SRSF11: variants seen among roughly 807,000 people sequenced by gnomAD.
SRSF11 encodes serine and arginine rich splicing factor 11.
A neutral mutation model predicts 56.0 loss-of-function variants in SRSF11; 9 were observed. The observed-to-expected ratio is 0.16, with a 90% CI of 0.10 to 0.28. SRSF11 has a LOEUF of 0.28. Among genes scored for constraint, SRSF11 ranks in the 10% least tolerant of loss-of-function variants. The pLI is 1.00. For synonymous variants in SRSF11, 222 were observed against 215.3 expected (o/e 1.03, Z -0.27); for missense variants, 421 against 600.7 (o/e 0.70, Z 3.13).
chr1:70,238,827 A>G (rs1674690447), intron 6 of SRSF11, among the ~76,000 whole-genome samples: 1 of 152,200 alleles, frequency 6.6e-6, no homozygotes, highest in Non-Finnish European at 1.5e-5. Context: ...AGACTGCTTT[A>G]CAGAAAACAC....
chr1:70,228,747 T>G, intron 2 of SRSF11, 192 bp downstream of exon 2: 1 of 1,266,790 alleles, frequency 7.9e-7, no homozygotes, highest in Non-Finnish European at 9.9e-7. Flanking sequence ...TCTGTTATTA[T>G]AAGGTATTTA....
rs372794079 is a variant in SRSF11, at chr1:70,221,403, G to A, written c.-234G>A. The stretch of plus-strand genomic sequence containing the variant: ...CTAGTGTCGTGGTTGGAGGCGAGGT[G>A]GGGCGGCCGTTTGTTTTCTCGTGGT... On this transcript the variant is annotated 5_prime_UTR_variant, in exon 1 of 12. Transcript: ENST00000370949. 1.1e-5 allele frequency: 6 copies of A among 537,226 alleles called. No individual in the cohort carries two copies. The highest frequency in any genetic ancestry group is 1.6e-5 in the Non-Finnish European group (5 of 309,608). The allele number at this position is 537,226 out of a possible 1,614,324, so 33.3% of individuals were successfully genotyped here.
At chr1:70,231,873 C>A in intron 2 of SRSF11, 1 of 1,493,818 alleles carries the variant, frequency 6.7e-7, no homozygotes, top group Non-Finnish European at 8.9e-7. Flanking sequence ...GCAGCCGACA[C>A]GAGTCGTTGT....
intron 7 of SRSF11, among the ~76,000 whole-genome samples, chr1:70,240,859 TC>T (rs1377588628): frequency 1.3e-5 from 2 of 151,368 alleles, no homozygotes; most frequent in Non-Finnish European, 2.9e-5. Context: ...CACCACAACT[TC>T]CGCCTCCTGA....
intron 7 of SRSF11, 82 bp downstream of exon 7, chr1:70,239,602 G>T: frequency 1.9e-6 from 2 of 1,046,334 alleles, no homozygotes; most frequent in East Asian, 2.6e-5. Context: ...CTGTTAATCT[G>T]TTATCCTCTG....
intron 7 of SRSF11, among the ~76,000 whole-genome samples, chr1:70,240,423 A>C (rs1675081324): frequency 6.6e-6 from 1 of 152,186 alleles, no homozygotes; most frequent in Non-Finnish European, 1.5e-5. Flanking sequence ...ATTTTTACCC[A>C]CTATGGCTTT....
chr1:70,235,662 A>G (rs1673816115), intron 5 of SRSF11, 112 bp downstream of exon 5: 2 of 1,007,828 alleles, frequency 2.0e-6, no homozygotes, highest in East Asian at 2.5e-5. Context: ...TCTCAAGACA[A>G]GCAATATGTA....
intron 5 of SRSF11, among the ~76,000 whole-genome samples, chr1:70,236,181 G>A (rs1032607906): frequency 2.8e-4 from 43 of 151,922 alleles, no homozygotes; most frequent in African/African-American, 9.7e-4. Flanking sequence ...ATAAAACCAA[G>A]CATGTACCCA....
At chr1:70,230,613 T>TA (rs1195596189) in intron 2 of SRSF11, 1 of 1,285,150 alleles carries the variant, frequency 7.8e-7, no homozygotes, top group Admixed American at 2.3e-5. Context: ...GCATGAAAAT[T>TA]AACTGGTGAG....
rs755916389 is a variant in SRSF11, at chr1:70,235,581, A to T, written c.590+31A>T. 56 of 1,599,710 alleles carry T rather than the reference A, an allele frequency of 3.5e-5. No homozygotes were observed. The Admixed American group carries it at 9.8e-4, about 28-fold the overall frequency. ...CGTTTTTTCTTTGTTTTCATTGGTGATGTGGTATCTGAATGTCTACAGAAT... is the reference window on the plus strand; with the variant it reads ...CGTTTTTTCTTTGTTTTCATTGGTGTTGTGGTATCTGAATGTCTACAGAAT... On this transcript the variant is annotated intron_variant, in intron 5 of 11. Coordinates refer to ENST00000370949, the MANE Select transcript of SRSF11 (RefSeq NM_001350605.2).
intron 1 of SRSF11, among the ~76,000 whole-genome samples, chr1:70,223,487 A>G (rs1282942423): frequency 6.6e-6 from 1 of 152,180 alleles, no homozygotes; most frequent in Non-Finnish European, 1.5e-5. Flanking sequence ...CAGGACAGCT[A>G]GTGTGTGCTT....
intron 3 of SRSF11, 121 bp from the exon 4 acceptor site, chr1:70,234,575 C>T (rs1406438195): frequency 1.4e-5 from 10 of 695,750 alleles, no homozygotes; most frequent in African/African-American, 3.6e-5. Flanking sequence ...AGGAGTTGTA[C>T]GGAGACCATG....
chr1:70,231,071 CTTTTT>C, intron 2 of SRSF11: 1 of 1,289,286 alleles, frequency 7.8e-7, no homozygotes. Flanking sequence ...AGTGGTTTTT[CTTTTT>C]TGTTGTTGTG....
Position 70,250,619 on chromosome 1 carries a change from G to A in SRSF11, c.1269G>A (p.Arg423=). The change falls in exon 12 of 12, where the codon CGG becomes CGA. Residue 423 remains arginine (R), a synonymous_variant. Coordinates refer to ENST00000370949, the MANE Select transcript of SRSF11 (RefSeq NM_001350605.2). ...ESDKDVKQVT[R]DYDEEEQGYD... ...TCTCCTTGGCAAAGCAGGTTACACG[G>A]GATTATGATGAAGAGGAACAGGGGT... 6.2e-7 allele frequency: 1 copy of A among 1,613,734 alleles called. No individual in the cohort carries two copies. Among genetic ancestry groups the A allele is most frequent in the Non-Finnish European group, 8.5e-7 (1 of 1,179,894 alleles).
At chr1:70,237,998 A>G (rs1170228822) in intron 6 of SRSF11, among the ~76,000 whole-genome samples, 2 of 152,094 alleles carry the variant, frequency 1.3e-5, no homozygotes, top group Non-Finnish European at 2.9e-5. Context: ...TCTTCTTTGC[A>G]GATTGTCTTT....
intron 1 of SRSF11, among the ~76,000 whole-genome samples, chr1:70,211,502 A>C (rs1032831728): frequency 6.6e-6 from 1 of 152,206 alleles, no homozygotes; most frequent in Admixed American, 6.5e-5. Context: ...ACATCAACTT[A>C]AGGAGAAAAA....
chr1:70,225,962 G>A (rs960226313), intron 1 of SRSF11, among the ~76,000 whole-genome samples: 1 of 151,990 alleles, frequency 6.6e-6, no homozygotes, highest in African/African-American at 2.4e-5. Context: ...AGGCTGAGGC[G>A]GGTGGATCAC....
At chr1:70,231,878 C>T (rs1558182478) in intron 2 of SRSF11, 5 of 1,502,412 alleles carry the variant, frequency 3.3e-6, no homozygotes, top group Non-Finnish European at 4.4e-6. Flanking sequence ...CGACACGAGT[C>T]GTTGTTCATA....
chr1:70,244,816 G>T lies in SRSF11; in HGVS notation c.932+1G>T. ...GGTCAAGGAGCACATCAAAAACAAGGTATAGCATTGGGTGAGAAAGCAAAT... is the reference window on the plus strand; with the variant it reads ...GGTCAAGGAGCACATCAAAAACAAGTTATAGCATTGGGTGAGAAAGCAAAT... On this transcript the variant is annotated splice_donor_variant, in intron 8 of 11. Coordinates refer to ENST00000370949, the MANE Select transcript of SRSF11 (RefSeq NM_001350605.2). LOFTEE classifies it high-confidence loss of function. 6.2e-7 allele frequency: 1 copy of T among 1,613,940 alleles called. No homozygotes were observed. The highest frequency in any genetic ancestry group is 8.5e-7 in the Non-Finnish European group (1 of 1,179,948).
Sources: gnomAD v4.1 joint callset for allele counts (sites outside exome capture counted in the v4.1 genomes callset) on GRCh38, gnomAD v4.1.1 for gene constraint, MANE v1.5 for transcripts, NCBI Gene and HGNC (gene_info 2026-07-23, HGNC 2026-07-21) for gene names.